The following FEZ1 variants were observed in gnomAD, a reference collection of about 807,000 sequenced individuals.
The protein encoded by FEZ1 is fasciculation and elongation protein zeta-1.
FEZ1 carries 20 observed loss-of-function variants against 49.3 expected under a neutral mutation model. The ratio of observed to expected loss-of-function variants is 0.41; its 90% CI spans 0.29 to 0.59. FEZ1 has a LOEUF of 0.59. Among genes scored for constraint, FEZ1 ranks in the 20% least tolerant of loss-of-function variants. FEZ1 has a pLI of 0.36. For synonymous variants in FEZ1, 170 were observed against 180.9 expected (o/e 0.94, Z 0.48); for missense variants, 413 against 476.0 (o/e 0.87, Z 1.23).
At chr11:125,458,681 T>A (rs1295585584) in intron 5 of FEZ1, among the ~76,000 whole-genome samples, 1 of 152,246 alleles carries the variant, frequency 6.6e-6, no homozygotes, top group Non-Finnish European at 1.5e-5. Flanking sequence ...TATGTTACAT[T>A]TACATTAAAT....
At chr11:125,480,970 C>T (rs771524150) in intron 3 of FEZ1, among the ~76,000 whole-genome samples, 3 of 150,206 alleles carry the variant, frequency 2.0e-5, no homozygotes, top group South Asian at 2.1e-4. Context: ...ACCCGGGAGG[C>T]GAAGGTTGCA....
chr11:125,488,428 C>T (rs945356188), intron 2 of FEZ1, among the ~76,000 whole-genome samples: 1 of 152,196 alleles, frequency 6.6e-6, no homozygotes, highest in African/African-American at 2.4e-5. Context: ...CGCCTGTAAT[C>T]CCAGCACTTT....
intron 3 of FEZ1, among the ~76,000 whole-genome samples, chr11:125,471,407 A>G (rs670848): frequency 0.51 from 77,408 of 150,514 alleles, 19,890 homozygotes; most frequent in African/African-American, 0.57. Context: ...AGAGATAGGC[A>G]GAAACTAAAA....
intron 1 of FEZ1, among the ~76,000 whole-genome samples, chr11:125,494,340 C>T (rs901949510): frequency 6.6e-6 from 1 of 152,180 alleles, no homozygotes; most frequent in African/African-American, 2.4e-5. Flanking sequence ...CCCTGCCTTC[C>T]TTCCTTTAGC....
At chr11:125,469,855 A>G (rs934499869) in intron 3 of FEZ1, among the ~76,000 whole-genome samples, 4 of 151,716 alleles carry the variant, frequency 2.6e-5, no homozygotes, top group Non-Finnish European at 4.4e-5. Flanking sequence ...TGGGACTGCA[A>G]GTGCACTCCA....
At position 125,489,436 on chromosome 11, in the gene FEZ1, G is replaced by A. The variant is rs761123983; in HGVS notation, c.311+31C>T. The A allele has an allele frequency of 3.2e-6, 5 of 1,581,916 alleles. No homozygotes were observed. The African/African-American group carries it at 6.8e-5, about 21-fold the overall frequency. ...GACAAGGACTACAGGGCTCTCGACT[G>A]AAGCAGGAGAGGGCAATTAAGACTT... On this transcript the variant is annotated intron_variant, in intron 2 of 9. Transcript: ENST00000278919. This position sits in a 1 kb window ranked among gnomAD's most constrained non-coding sequence, Gnocchi z 4.2.
chr11:125,464,209 C>T (rs1443478428), intron 3 of FEZ1, among the ~76,000 whole-genome samples: 1 of 152,104 alleles, frequency 6.6e-6, no homozygotes, highest in African/African-American at 2.4e-5. Flanking sequence ...TCTCATTTGC[C>T]CTGTGTCTCT....
At chr11:125,461,407 G>C (rs2135751550) in intron 4 of FEZ1, among the ~76,000 whole-genome samples, 1 of 152,322 alleles carries the variant, frequency 6.6e-6, no homozygotes, top group East Asian at 1.9e-4. Context: ...AGGAGTTCAA[G>C]ACCAGCCTGA....
chr11:125,444,539 A>G lies in FEZ1; in HGVS notation c.*1556T>C, dbSNP rs1366010688. ...GGCGGAGTTTGCGGCGAGCTGAGAT[A>G]GCGCCATTGTACTCCAGCCTGAGCA... On this transcript the variant is annotated 3_prime_UTR_variant, in exon 10 of 10. Coordinates refer to ENST00000278919, the MANE Select transcript of FEZ1 (RefSeq NM_005103.5). Among the ~76,000 whole-genome samples, 1 of 151,906 alleles carries G rather than the reference A, an allele frequency of 6.6e-6. No individual in the cohort carries two copies. The highest frequency in any genetic ancestry group is 1.5e-5 in the Non-Finnish European group (1 of 67,976).
chr11:125,462,176 G>A (rs1044520313), intron 4 of FEZ1, among the ~76,000 whole-genome samples: 2 of 152,210 alleles, frequency 1.3e-5, no homozygotes, highest in African/African-American at 2.4e-5. Flanking sequence ...TTCTGGCACC[G>A]AAGGCTGCCA....
chr11:125,468,367 T>C (rs1417182872), intron 3 of FEZ1, among the ~76,000 whole-genome samples: 2 of 152,014 alleles, frequency 1.3e-5, no homozygotes, highest in Non-Finnish European at 1.5e-5. Context: ...TTTGTAAAGA[T>C]TGAGTCCAAT....
At chr11:125,474,479 T>A (rs2135768190) in intron 3 of FEZ1, among the ~76,000 whole-genome samples, 1 of 152,242 alleles carries the variant, frequency 6.6e-6, no homozygotes, top group African/African-American at 2.4e-5. Flanking sequence ...TCATCACATT[T>A]AAAAAACATT....
intron 1 of FEZ1, among the ~76,000 whole-genome samples, chr11:125,491,261 C>T (rs544072590): frequency 6.6e-6 from 1 of 152,180 alleles, no homozygotes; most frequent in Non-Finnish European, 1.5e-5. Context: ...GACCTCTACC[C>T]CTCATCGGGC....
At chr11:125,482,570 T>G (rs1451874593) in intron 2 of FEZ1, among the ~76,000 whole-genome samples, 1 of 151,982 alleles carries the variant, frequency 6.6e-6, no homozygotes. Context: ...CAAACACACA[T>G]CAGGAAGATA....
In FEZ1 at chr11:125,449,512, G is replaced by GT. The variant is rs548946185; in HGVS notation, c.1097-946dup. Among the ~76,000 whole-genome samples the GT allele has an allele frequency of 4.0e-4, 59 of 148,136 alleles. No individual in the cohort carries two copies. In the South Asian group the frequency reaches 7.2e-3, roughly 18 times the overall value. ...AAGACATAGTTATCAGTGAAGAAAGGTTACAGAACATTTATTAACTTTATA... is the reference window on the plus strand; with the variant it reads ...AAGACATAGTTATCAGTGAAGAAAGGTTTACAGAACATTTATTAACTTTATA... On this transcript the variant is annotated intron_variant, in intron 8 of 9. Coordinates refer to ENST00000278919, the MANE Select transcript of FEZ1 (RefSeq NM_005103.5).
At chr11:125,467,281 C>A (rs1246972455) in intron 3 of FEZ1, among the ~76,000 whole-genome samples, 7 of 152,054 alleles carry the variant, frequency 4.6e-5, no homozygotes, top group Admixed American at 4.6e-4. Flanking sequence ...TGGCCTCAAG[C>A]AATCCTCCCA....
chr11:125,485,986 C>T (rs940807256), intron 2 of FEZ1, among the ~76,000 whole-genome samples: 5 of 152,054 alleles, frequency 3.3e-5, no homozygotes, highest in Non-Finnish European at 4.4e-5. Context: ...CACATTAATG[C>T]GTTTGCTCAA....
At chr11:125,466,646 T>C (rs947955410) in intron 3 of FEZ1, among the ~76,000 whole-genome samples, 13 of 152,206 alleles carry the variant, frequency 8.5e-5, no homozygotes, top group Admixed American at 8.5e-4. Context: ...TTCTTCCTCC[T>C]GCTTTTGGGA....
chr11:125,489,165 A>G lies in FEZ1; in HGVS notation c.311+302T>C, dbSNP rs1230918438. 1.0e-5 allele frequency: 11 copies of G among 1,056,918 alleles called. No individual in the cohort carries two copies. Among genetic ancestry groups the G allele is most frequent in the Non-Finnish European group, 1.3e-5 (11 of 877,584 alleles). The allele number at this position is 1,056,918 out of a possible 1,614,324, so 65.5% of individuals were successfully genotyped here. A position where few individuals can be genotyped will look rare whatever the true frequency, so the allele number is the denominator to read the frequency against. On this transcript the variant is annotated intron_variant, in intron 2 of 9. Coordinates refer to ENST00000278919, the MANE Select transcript of FEZ1 (RefSeq NM_005103.5). The surrounding 1 kb of genome is among the most constrained non-coding windows in gnomAD (Gnocchi z 4.2). The stretch of plus-strand genomic sequence containing the variant: ...ATTTCTAATATCTCGCTGGATTTCC[A>G]CTGATATAAAGAAAGCTTAAGATAG...
Sources: gnomAD v4.1 joint callset for allele counts (sites outside exome capture counted in the v4.1 genomes callset) on GRCh38, gnomAD v4.1.1 for gene constraint, Gnocchi (gnomAD v3.1) non-coding constraint, MANE v1.5 for transcripts, NCBI Gene and HGNC (gene_info 2026-07-23, HGNC 2026-07-21) for gene names.